The following CRYZ variants were observed in gnomAD, a reference collection of about 807,000 sequenced individuals.
CRYZ encodes crystallin zeta.
A neutral mutation model predicts 34.1 loss-of-function variants in CRYZ; 35 were observed. The ratio of observed to expected loss-of-function variants is 1.03; its 90% CI spans 0.78 to 1.36. The LOEUF (loss-of-function observed/expected upper bound fraction) is 1.36. Ranked by LOEUF, CRYZ falls within the 40% of genes most tolerant of loss-of-function variation. The pLI is 0.00. For synonymous variants in CRYZ, 137 were observed against 136.5 expected (o/e 1.00, Z -0.03); for missense variants, 403 against 391.8 (o/e 1.03, Z -0.24).
chr1:74,731,755 CACA>C (rs1293344179), intron 1 of CRYZ, among the ~76,000 whole-genome samples: 3 of 152,188 alleles, frequency 2.0e-5, no homozygotes, highest in Non-Finnish European at 2.9e-5. Flanking sequence ...GAGGGACTCG[CACA>C]ACAATTTCCA....
chr1:74,712,348 T>G (rs989983303), intron 5 of CRYZ, among the ~76,000 whole-genome samples: 2 of 152,134 alleles, frequency 1.3e-5, no homozygotes, highest in African/African-American at 4.8e-5. Flanking sequence ...CCCCAAGTTG[T>G]GACAACCAAA....
chr1:74,717,829 CTA>C (rs1647098248), intron 4 of CRYZ, among the ~76,000 whole-genome samples: 1 of 152,188 alleles, frequency 6.6e-6, no homozygotes, highest in Non-Finnish European at 1.5e-5. Context: ...TCTTACAACT[CTA>C]TCCTTTTTCT....
intron 1 of CRYZ, among the ~76,000 whole-genome samples, chr1:74,726,502 C>A (rs1647347485): frequency 6.6e-6 from 1 of 152,134 alleles, no homozygotes; most frequent in Admixed American, 6.5e-5. Flanking sequence ...GGCCCTGGGC[C>A]CGGCCCAGGA....
chr1:74,729,978 C>G (rs1177006364), intron 1 of CRYZ, among the ~76,000 whole-genome samples: 1 of 152,036 alleles, frequency 6.6e-6, no homozygotes, highest in Non-Finnish European at 1.5e-5. Flanking sequence ...TCTCTCACAC[C>G]TACACACATA....
intron 6 of CRYZ, among the ~76,000 whole-genome samples, chr1:74,709,507 C>T (rs190569874): frequency 1.2e-4 from 18 of 152,238 alleles, no homozygotes; most frequent in African/African-American, 2.9e-4. Flanking sequence ...ATCTCCCTAA[C>T]GTGAGGAAGT....
At position 74,707,098 on chromosome 1, in the gene CRYZ, C is replaced by T; in HGVS notation, c.732+5G>A. The T allele has an allele frequency of 1.3e-6, 2 of 1,538,314 alleles. No individual in the cohort carries two copies. Among genetic ancestry groups the T allele is most frequent in the African/African-American group, 2.8e-5 (2 of 71,592 alleles). ...AAAAAAAAAAAAAAGAAAAGGAATACTTACTATCACTCGTCCTCCATGTGA... is the reference window on the plus strand; with the variant it reads ...AAAAAAAAAAAAAAGAAAAGGAATATTTACTATCACTCGTCCTCCATGTGA... On this transcript the variant is annotated splice_donor_5th_base_variant and intron_variant, in intron 7 of 8. Transcript: ENST00000340866.
At chr1:74,732,832 T>C (rs1428637109) in intron 1 of CRYZ, 124 bp downstream of exon 1, 3 of 185,560 alleles carry the variant, frequency 1.6e-5, no homozygotes, top group South Asian at 1.1e-4. Flanking sequence ...CTCTACGCAC[T>C]AGTTCTCTGG....
chr1:74,719,751 C>A (rs1367142309), intron 3 of CRYZ, among the ~76,000 whole-genome samples: 1 of 152,042 alleles, frequency 6.6e-6, no homozygotes, highest in Non-Finnish European at 1.5e-5. Context: ...ACCTCGGCCT[C>A]CCAAAGTGCT....
intron 1 of CRYZ, among the ~76,000 whole-genome samples, chr1:74,730,721 G>A (rs963858911): frequency 1.3e-5 from 2 of 152,170 alleles, no homozygotes; most frequent in South Asian, 4.1e-4. Context: ...GGTGTTAGCT[G>A]ATTTTTTTCT....
intron 4 of CRYZ, among the ~76,000 whole-genome samples, chr1:74,716,392 A>AT (rs1647076324): frequency 6.6e-6 from 1 of 152,172 alleles, no homozygotes; most frequent in Non-Finnish European, 1.5e-5. Context: ...CCTGGTGCTC[A>AT]TAACACTCAG....
intron 1 of CRYZ, among the ~76,000 whole-genome samples, chr1:74,729,949 G>A (rs553342803): frequency 6.6e-6 from 1 of 151,638 alleles, no homozygotes; most frequent in South Asian, 2.1e-4. Context: ...GCTTCTGTAA[G>A]CTGGGTGCTC....
intron 1 of CRYZ, among the ~76,000 whole-genome samples, chr1:74,731,385 G>A (rs544379345): frequency 6.6e-6 from 1 of 152,076 alleles, no homozygotes; most frequent in South Asian, 2.1e-4. Context: ...ATTCTGGCAA[G>A]AATTTTAAAA....
chr1:74,715,868 C>A (rs578148649), intron 4 of CRYZ, among the ~76,000 whole-genome samples: 2 of 151,728 alleles, frequency 1.3e-5, no homozygotes, highest in South Asian at 4.2e-4. Context: ...GGCCAAGGAA[C>A]CCAATATTTG....
chr1:74,726,790 C>T (rs1254317030), intron 1 of CRYZ, among the ~76,000 whole-genome samples: 3 of 152,018 alleles, frequency 2.0e-5, no homozygotes, highest in Non-Finnish European at 4.4e-5. Context: ...TTTGTGAATA[C>T]ATAAAACTAA....
rs17095822 is a variant in CRYZ at position 74,710,181 on chromosome 1, C to T, written c.547G>A (p.Glu183Lys). The change falls in exon 6 of 9, where the codon GAG becomes AAG. Residue 183 changes from glutamate to lysine, a missense_variant. Transcript: ENST00000340866. ...TGCAAAACAATCTTTTGTCCTTCCT[C>T]AGTACCAGCAGTGCCCAAAATCTTT... is the stretch of plus-strand genomic sequence containing the variant. ...GLKILGTAGT[E>K]EGQKIVLQNG... is the part of the protein sequence containing the mutation. The T allele has an allele frequency of 3.2e-3, 5,115 of 1,613,862 alleles. 135 individuals are homozygous for T. In the African/African-American group the frequency reaches 0.061, roughly 19 times the overall value.
Position 74,705,892 on chromosome 1 carries a change from A to G in CRYZ, c.*404T>C, listed in dbSNP as rs1169017834. 1 of 155,094 alleles carries G rather than the reference A, an allele frequency of 6.4e-6. No individual in the cohort carries two copies. The highest frequency in any genetic ancestry group is 1.9e-4 in the East Asian group (1 of 5,256). The allele number at this position is 155,094 out of a possible 1,614,324, so 9.6% of individuals were successfully genotyped here. On this transcript the variant is annotated 3_prime_UTR_variant, in exon 9 of 9. Transcript: ENST00000340866. ...TCAGAAAATGTTCAAAGTCCAATAC[A>G]GTCATGGCTAATCAGAGACTAGAGA...
At chr1:74,722,188 C>G (rs1409524841) in intron 3 of CRYZ, among the ~76,000 whole-genome samples, 2 of 151,886 alleles carry the variant, frequency 1.3e-5, no homozygotes, top group Non-Finnish European at 2.9e-5. Flanking sequence ...AAAAGAGAGG[C>G]CTGAAAACGG....
chr1:74,722,248 A>C (rs571770274), intron 3 of CRYZ, among the ~76,000 whole-genome samples: 1 of 152,270 alleles, frequency 6.6e-6, no homozygotes. Flanking sequence ...GATGTCACAG[A>C]AGCTGCAGAA....
chr1:74,711,976 C>G (rs1468516427), intron 5 of CRYZ, among the ~76,000 whole-genome samples: 2 of 152,058 alleles, frequency 1.3e-5, no homozygotes, highest in African/African-American at 4.8e-5. Flanking sequence ...CTTTGGGAGG[C>G]TGAGGTGAGT....
Sources: gnomAD v4.1 joint callset for allele counts (sites outside exome capture counted in the v4.1 genomes callset) on GRCh38, gnomAD v4.1.1 for gene constraint, MANE v1.5 for transcripts, NCBI Gene and HGNC (gene_info 2026-07-23, HGNC 2026-07-21) for gene names.